The following TAS2R1 variants were observed in gnomAD, a reference collection of about 807,000 sequenced individuals.
The protein encoded by TAS2R1 is taste 2 receptor member 1, also known as taste receptor type 2 member 1.
For missense variants in TAS2R1, 370 were observed against 353.4 expected, an observed-to-expected ratio of 1.05 and a Z score of -0.38; for synonymous variants, 141 against 134.2, an observed-to-expected ratio of 1.05 and a Z score of -0.35.
intron 1 of TAS2R1, among the ~76,000 whole-genome samples, chr5:9,679,200 A>G (rs1307631021): frequency 2.6e-5 from 4 of 152,212 alleles, no homozygotes; most frequent in Admixed American, 2.6e-4. Flanking sequence ...GTCAGGGGAC[A>G]GGGGGAAAGG....
the TAS2R1 span, among the ~76,000 whole-genome samples, chr5:9,824,786 G>T: frequency 6.8e-6 from 1 of 147,668 alleles, no homozygotes; most frequent in Non-Finnish European, 1.5e-5. Context: ...AGCGGAGGTT[G>T]CAGCGAGCCA....
intron 1 of TAS2R1, among the ~76,000 whole-genome samples, chr5:9,689,482 C>T (rs1420332901): frequency 1.3e-5 from 2 of 152,014 alleles, no homozygotes; most frequent in Admixed American, 6.6e-5. Flanking sequence ...GAGCTATGGC[C>T]GCAGGGATTT....
chr5:9,836,501 T>C, the TAS2R1 span, among the ~76,000 whole-genome samples: 1 of 150,642 alleles, frequency 6.6e-6, no homozygotes, highest in Non-Finnish European at 1.5e-5. Context: ...ACGCCCCAGG[T>C]TATGACAACC....
At chr5:9,858,813 C>T in the TAS2R1 span, among the ~76,000 whole-genome samples, 1 of 152,016 alleles carries the variant, frequency 6.6e-6, no homozygotes, top group African/African-American at 2.4e-5. Flanking sequence ...GTATGCACTT[C>T]CCTGTCTGTA....
At chr5:9,778,254 A>T in the TAS2R1 span, among the ~76,000 whole-genome samples, 249 of 152,260 alleles carry the variant, frequency 1.6e-3, 3 homozygotes, top group Middle Eastern at 6.8e-3. Context: ...GTAGATCTCG[A>T]TGGTGGGCTT....
chr5:9,873,869 G>A, the TAS2R1 span, among the ~76,000 whole-genome samples: 4 of 128,984 alleles, frequency 3.1e-5, no homozygotes, highest in East Asian at 2.5e-4. Flanking sequence ...ACTCTGTCTC[G>A]GGGAAAAAAA....
chr5:9,728,083 C>G, the TAS2R1 span, among the ~76,000 whole-genome samples: 4 of 152,070 alleles, frequency 2.6e-5, no homozygotes, highest in Non-Finnish European at 5.9e-5. Flanking sequence ...ATAGATCAAG[C>G]CCCTGTCTCC....
At chr5:9,847,651 C>G in the TAS2R1 span, among the ~76,000 whole-genome samples, 1 of 152,196 alleles carries the variant, frequency 6.6e-6, no homozygotes. Context: ...GACAAGCCAG[C>G]TGGAGTTGGT....
At chr5:9,855,811 G>T in the TAS2R1 span, among the ~76,000 whole-genome samples, 1 of 152,316 alleles carries the variant, frequency 6.6e-6, no homozygotes, top group African/African-American at 2.4e-5. Flanking sequence ...TTACCACAAT[G>T]CCTTCAGGTA....
chr5:9,656,970 CTT>C (rs1740427614), intron 2 of TAS2R1, among the ~76,000 whole-genome samples: 2 of 151,892 alleles, frequency 1.3e-5, no homozygotes, highest in Non-Finnish European at 1.5e-5. Context: ...TAATTCAAAA[CTT>C]AACGATGATA....
At chr5:9,782,269 T>A in the TAS2R1 span, among the ~76,000 whole-genome samples, 3 of 152,230 alleles carry the variant, frequency 2.0e-5, no homozygotes, top group African/African-American at 7.2e-5. Context: ...AGTTACAGGA[T>A]CTCATAGTCC....
At chr5:9,795,988 C>T in the TAS2R1 span, among the ~76,000 whole-genome samples, 6 of 152,156 alleles carry the variant, frequency 3.9e-5, no homozygotes, top group Non-Finnish European at 7.4e-5. Flanking sequence ...TGACCTCTGT[C>T]CATTTCCTGG....
At chr5:9,698,891 T>G in intron 1 of TAS2R1, among the ~76,000 whole-genome samples, 1 of 152,194 alleles carries the variant, frequency 6.6e-6, no homozygotes, top group East Asian at 1.9e-4. Context: ...GTGTTTTAGA[T>G]TAATCTTTCC....
the TAS2R1 span, among the ~76,000 whole-genome samples, chr5:9,792,860 T>C: frequency 6.6e-6 from 1 of 152,200 alleles, no homozygotes; most frequent in Non-Finnish European, 1.5e-5. Flanking sequence ...CTTTTCATCT[T>C]TAAACTGGTG....
chr5:9,867,277 T>A, the TAS2R1 span: 1 of 152,330 alleles, frequency 6.6e-6, no homozygotes, highest in East Asian at 1.9e-4. Flanking sequence ...AGGGGATATA[T>A]ATTAGTCCAC....
In TAS2R1 at chr5:9,630,104, G is replaced by A. The variant is rs2234229; in HGVS notation, c.-72C>T. 3.4e-4 allele frequency: 435 copies of A among 1,290,822 alleles called. 2 individuals are homozygous for A. In the African/African-American group the frequency reaches 4.9e-3, roughly 15 times the overall value. The allele number at this position is 1,290,822 out of a possible 1,614,324, so 80.0% of individuals were successfully genotyped here. A position where few individuals can be genotyped will look rare whatever the true frequency, so the allele number is the denominator to read the frequency against. On this transcript the variant is annotated 5_prime_UTR_variant, in exon 1 of 1. Coordinates refer to ENST00000382492, the MANE Select transcript of TAS2R1 (RefSeq NM_019599.3). ...GTTTTGGACAGGTTGGGTTGTTCACGCTCTTCAATTAGATCAGGACTCCTC... is the reference window on the plus strand; with the variant it reads ...GTTTTGGACAGGTTGGGTTGTTCACACTCTTCAATTAGATCAGGACTCCTC...
intron 1 of TAS2R1, among the ~76,000 whole-genome samples, chr5:9,710,556 C>T (rs1741709731): frequency 6.6e-6 from 1 of 152,046 alleles, no homozygotes; most frequent in Non-Finnish European, 1.5e-5. Context: ...TTTCCGCACA[C>T]CTAAGGAAAC....
chr5:9,851,826 A>G, the TAS2R1 span, among the ~76,000 whole-genome samples: 8,898 of 152,248 alleles, frequency 0.058, 629 homozygotes, highest in East Asian at 0.23. Context: ...AAAGACTTCA[A>G]GCTTTGCTGG....
the TAS2R1 span, among the ~76,000 whole-genome samples, chr5:9,753,631 G>C: frequency 6.6e-6 from 1 of 152,134 alleles, no homozygotes; most frequent in Admixed American, 6.5e-5. Context: ...CCATGCCTAT[G>C]TCCTGAATGG....
Sources: allele counts gnomAD v4.1 joint callset (sites outside exome capture counted in the v4.1 genomes callset), GRCh38; gene constraint gnomAD v4.1.1; transcripts MANE v1.5; gene names NCBI Gene and HGNC (gene_info 2026-07-23, HGNC 2026-07-21).